POU6F2: variants seen among roughly 807,000 people sequenced by gnomAD.
The protein encoded by POU6F2 is POU domain, class 6, transcription factor 2.
A neutral mutation model predicts 71.3 loss-of-function variants in POU6F2; 31 were observed. The observed-to-expected ratio is 0.43, with a 90% CI of 0.33 to 0.59. The LOEUF (loss-of-function observed/expected upper bound fraction) is 0.59, where lower values mean the gene tolerates loss of function less well. POU6F2 is among the 20% of genes least tolerant of loss of function. POU6F2 has a pLI of 0.04. For synonymous variants in POU6F2, 347 were observed against 355.7 expected, an observed-to-expected ratio of 0.98 and a Z score of 0.27; for missense variants, 783 against 856.8, an observed-to-expected ratio of 0.91 and a Z score of 1.07.
At chr7:39,127,007 A>G (rs1405444986) in intron 2 of POU6F2, among the ~76,000 whole-genome samples, 1 of 152,244 alleles carries the variant, frequency 6.6e-6, no homozygotes, top group Non-Finnish European at 1.5e-5. Flanking sequence ...AAAAATAACT[A>G]AAGACAAACA....
intron 4 of POU6F2, among the ~76,000 whole-genome samples, chr7:39,283,390 A>G (rs1784598102): frequency 6.6e-6 from 1 of 152,016 alleles, no homozygotes; most frequent in Admixed American, 6.6e-5. Flanking sequence ...CATCATCCCA[A>G]ACTCAAGCTC....
chr7:39,454,704 ATATATATATATATATATATAT>A (rs1788753964), intron 8 of POU6F2, among the ~76,000 whole-genome samples: 1 of 68,542 alleles, frequency 1.5e-5, no homozygotes. Flanking sequence ...ATATATATAT[ATATATATATATATATATATAT>A]ATAAAATAAG....
chr7:39,098,899 C>G (rs1176571646), intron 2 of POU6F2, among the ~76,000 whole-genome samples: 1 of 152,162 alleles, frequency 6.6e-6, no homozygotes, highest in Non-Finnish European at 1.5e-5. Context: ...TACCATAAAA[C>G]CAACAAAAAT....
chr7:39,464,829 A>G lies in POU6F2; in HGVS notation c.*143A>G. On this transcript the variant is annotated 3_prime_UTR_variant, in exon 10 of 10. Transcript: ENST00000518318. The surrounding 1 kb of genome is among the most constrained non-coding windows in gnomAD (Gnocchi z 4.1). Reference sequence around the variant, plus strand: ...TCACCCTTGTAAGTAAATGACTAAGAAAACTACCAAGTGGACAGAATGGTT... The same window carrying G: ...TCACCCTTGTAAGTAAATGACTAAGGAAACTACCAAGTGGACAGAATGGTT... 1 of 1,058,586 alleles carries G rather than the reference A, an allele frequency of 9.4e-7. No homozygotes were observed. The allele number at this position is 1,058,586 out of a possible 1,614,324, so 65.6% of individuals were successfully genotyped here.
intron 7 of POU6F2, among the ~76,000 whole-genome samples, chr7:39,437,004 G>A (rs1788261029): frequency 6.6e-6 from 1 of 152,200 alleles, no homozygotes; most frequent in Admixed American, 6.5e-5. Flanking sequence ...GTTTTGATCT[G>A]CTGCTGGATT....
intron 4 of POU6F2, among the ~76,000 whole-genome samples, chr7:39,269,881 G>C (rs1208599873): frequency 6.6e-6 from 1 of 152,160 alleles, no homozygotes; most frequent in Non-Finnish European, 1.5e-5. Context: ...CCAAGATAAA[G>C]TAGACAAAAT....
At chr7:39,210,011 T>C (rs999549706) in intron 4 of POU6F2, among the ~76,000 whole-genome samples, 24 of 152,318 alleles carry the variant, frequency 1.6e-4, no homozygotes, top group African/African-American at 5.3e-4. Context: ...ATTCATGCAG[T>C]CAACAGCGAG....
chr7:39,264,866 G>A (rs574135672), intron 4 of POU6F2, among the ~76,000 whole-genome samples: 56 of 152,018 alleles, frequency 3.7e-4, no homozygotes, highest in Non-Finnish European at 6.0e-4. Context: ...ATACCACAAA[G>A]AACTGTTCTA....
chr7:39,323,889 C>T (rs1446797304), intron 4 of POU6F2, among the ~76,000 whole-genome samples: 1 of 151,754 alleles, frequency 6.6e-6, no homozygotes. Context: ...CAGGTGATCA[C>T]CTGAGGTCAA....
intron 1 of POU6F2, among the ~76,000 whole-genome samples, chr7:39,065,535 A>G (rs1790738093): frequency 6.6e-6 from 1 of 151,564 alleles, no homozygotes; most frequent in African/African-American, 2.4e-5. Context: ...CAGGTCTTTG[A>G]AAAAGAAAGC....
chr7:39,416,093 TACACACACACAC>T (rs57579748), intron 6 of POU6F2, among the ~76,000 whole-genome samples: 113 of 139,294 alleles, frequency 8.1e-4, no homozygotes, highest in Middle Eastern at 3.7e-3. Context: ...CTCGAAGGCA[TACACACACACAC>T]ACACACACAC....
chr7:39,030,530 A>ATATG lies in POU6F2; in HGVS notation c.105+52475_105+52476insGTAT, dbSNP rs1472732757. On this transcript the variant is annotated intron_variant, in intron 1 of 9. Transcript: ENST00000518318. ...TATATATATATATATATATATATATATATATATATATATACACACACATAC... is the reference window on the plus strand; with the variant it reads ...TATATATATATATATATATATATATATATGTATATATATATATACACACACATAC... Among the ~76,000 whole-genome samples, 30 of 125,610 alleles carry ATATG rather than the reference A, an allele frequency of 2.4e-4. 1 individual carries two copies. The highest frequency in any genetic ancestry group is 3.8e-3 in the Middle Eastern group (1 of 260). 82.4% of individuals were successfully genotyped at this position (125,610 alleles called of 152,430 possible). A position where few individuals can be genotyped will look rare whatever the true frequency, so the allele number is the denominator to read the frequency against.
chr7:39,121,481 G>A (rs1432518406), intron 2 of POU6F2, among the ~76,000 whole-genome samples: 2 of 152,160 alleles, frequency 1.3e-5, no homozygotes, highest in African/African-American at 4.8e-5. Flanking sequence ...TTCCCAACTG[G>A]TTAGAAAAGA....
At chr7:39,378,213 G>T (rs1786746787) in intron 5 of POU6F2, among the ~76,000 whole-genome samples, 1 of 152,158 alleles carries the variant, frequency 6.6e-6, no homozygotes, top group Non-Finnish European at 1.5e-5. Context: ...ACATCCTTGA[G>T]CAAAAAGAGT....
intron 5 of POU6F2, among the ~76,000 whole-genome samples, chr7:39,391,844 T>C (rs1279958909): frequency 6.6e-6 from 1 of 152,106 alleles, no homozygotes; most frequent in Non-Finnish European, 1.5e-5. Context: ...TTAAAATCTA[T>C]TATAGATTTA....
At position 39,070,144 on chromosome 7, in the gene POU6F2, G is replaced by A. The variant is rs192742517; in HGVS notation, c.106-15716G>A. Reference sequence around the variant, plus strand: ...TACTGGTTCTGCAAAGGCAGCTAAAGCTGAGAGATGATTTATTTGATTCTC... The same window carrying A: ...TACTGGTTCTGCAAAGGCAGCTAAAACTGAGAGATGATTTATTTGATTCTC... On this transcript the variant is annotated intron_variant, in intron 1 of 9. Coordinates refer to ENST00000518318, the MANE Select transcript of POU6F2 (RefSeq NM_001370959.1). Among the ~76,000 whole-genome samples, 177 of 152,262 alleles carry A rather than the reference G, an allele frequency of 1.2e-3. 2 individuals are homozygous for A. Among genetic ancestry groups the A allele is most frequent in the Non-Finnish European group, 1.4e-3 (95 of 68,010 alleles).
At chr7:39,344,289 G>A (rs555714819) in intron 5 of POU6F2, among the ~76,000 whole-genome samples, 43 of 152,234 alleles carry the variant, frequency 2.8e-4, no homozygotes, top group Middle Eastern at 3.4e-3. Context: ...TCACCTCCTC[G>A]GAGGTGAAGT....
chr7:39,072,942 GA>G (rs1790913581), intron 1 of POU6F2, among the ~76,000 whole-genome samples: 1 of 152,160 alleles, frequency 6.6e-6, no homozygotes, highest in Non-Finnish European at 1.5e-5. Flanking sequence ...AGGGTGCTAA[GA>G]AAATGTTATT....
intron 2 of POU6F2, among the ~76,000 whole-genome samples, chr7:39,153,371 G>A (rs139395704): frequency 6.6e-5 from 10 of 152,100 alleles, no homozygotes; most frequent in East Asian, 1.9e-4. Context: ...TCTCTACACC[G>A]ACCCAGGATC....
Sources: gnomAD v4.1 joint callset for allele counts (sites outside exome capture counted in the v4.1 genomes callset) on GRCh38, gnomAD v4.1.1 for gene constraint, Gnocchi (gnomAD v3.1) non-coding constraint, MANE v1.5 for transcripts, NCBI Gene and HGNC (gene_info 2026-07-23, HGNC 2026-07-21) for gene names.